The following CCDC93 variants were observed in gnomAD, a reference collection of about 807,000 sequenced individuals.
CCDC93 encodes the protein coiled-coil domain-containing protein 93.
CCDC93 carries 61 observed loss-of-function variants against 108.2 expected under a neutral mutation model. The observed-to-expected ratio is 0.56, with a 90% CI of 0.46 to 0.70. The LOEUF is 0.70. CCDC93 is among the 30% of genes least tolerant of loss of function. The pLI is 0.00. For missense variants in CCDC93, 685 were observed against 764.2 expected (o/e 0.90, Z 1.22); for synonymous variants, 276 against 260.4 (o/e 1.06, Z -0.58).
At position 117,916,926 on chromosome 2, in the gene CCDC93, C is replaced by A. The variant is rs1444826653; in HGVS notation, c.*3417G>T. On this transcript the variant is annotated 3_prime_UTR_variant, in exon 24 of 24. Coordinates refer to ENST00000376300, the MANE Select transcript of CCDC93 (RefSeq NM_019044.5). ...TCCTTGGCAATCCCAACCATGGGGA[C>A]AGATGATGGCATCCATCCTATGGGG... is the stretch of plus-strand genomic sequence containing the variant. The A allele has an allele frequency of 6.6e-6, 1 of 152,254 alleles. No individual in the cohort carries two copies. Among genetic ancestry groups the A allele is most frequent in the African/African-American group, 2.4e-5 (1 of 41,464 alleles). 9.4% of individuals were successfully genotyped at this position (152,254 alleles called of 1,614,324 possible). A position where few individuals can be genotyped will look rare whatever the true frequency, so the allele number is the denominator to read the frequency against.
chr2:117,949,396 C>T lies in CCDC93; in HGVS notation c.1069-1G>A. On this transcript the variant is annotated splice_acceptor_variant, in intron 13 of 23. Coordinates refer to ENST00000376300, the MANE Select transcript of CCDC93 (RefSeq NM_019044.5). LOFTEE classifies it high-confidence loss of function. ...CCAGTTTCTCACTGTAAGTCTTCAG[C>T]TGCAAGAGAGAATGAAGACATGGTT... The T allele has an allele frequency of 6.2e-7, 1 of 1,610,494 alleles. No homozygotes were observed. The highest frequency in any genetic ancestry group is 8.5e-7 in the Non-Finnish European group (1 of 1,176,774).
chr2:117,951,408 G>A, intron 13 of CCDC93: 5 of 985,384 alleles, frequency 5.1e-6, no homozygotes, highest in Non-Finnish European at 6.0e-6. Context: ...AATAACTGAA[G>A]AGGTTAGTCC....
rs899454860 is a variant in CCDC93 at position 117,919,731 on chromosome 2, T to G, written c.*612A>C. 1 of 152,260 alleles carries G rather than the reference T, an allele frequency of 6.6e-6. No homozygotes were observed. Among genetic ancestry groups the G allele is most frequent in the Non-Finnish European group, 1.5e-5 (1 of 68,050 alleles). 9.4% of individuals were successfully genotyped at this position (152,260 alleles called of 1,614,324 possible). A position where few individuals can be genotyped will look rare whatever the true frequency, so the allele number is the denominator to read the frequency against. On this transcript the variant is annotated 3_prime_UTR_variant, in exon 24 of 24. Coordinates refer to ENST00000376300, the MANE Select transcript of CCDC93 (RefSeq NM_019044.5). ...TTCCAGTTGCTGTCACCACCAAGCC[T>G]GCTGGCTGGCACCTGGAGGAGCTGG...
intron 3 of CCDC93, among the ~76,000 whole-genome samples, chr2:118,004,744 C>T (rs921899362): frequency 1.3e-5 from 2 of 152,166 alleles, no homozygotes; most frequent in African/African-American, 2.4e-5. Context: ...CACGTAAACC[C>T]GTCTCCAGCT....
intron 6 of CCDC93, among the ~76,000 whole-genome samples, chr2:117,991,648 G>A (rs529231042): frequency 6.6e-6 from 1 of 152,294 alleles, no homozygotes; most frequent in African/African-American, 2.4e-5. Context: ...CTTGTTAAAT[G>A]CCTATTGAGA....
In CCDC93 at chr2:117,935,408, A is replaced by G. The variant is rs533905020; in HGVS notation, c.1728+87T>C. On this transcript the variant is annotated intron_variant, in intron 22 of 23. Coordinates refer to ENST00000376300, the MANE Select transcript of CCDC93 (RefSeq NM_019044.5). ...TTCAGGATTGAGGGCACACTCCCCA[A>G]CTACCAGAAGAGGCCTTTTCTTCCC... 34 of 931,660 alleles carry G rather than the reference A, an allele frequency of 3.6e-5. No individual in the cohort carries two copies. The South Asian group carries it at 4.4e-4, about 12-fold the overall frequency. 57.7% of individuals were successfully genotyped at this position (931,660 alleles called of 1,614,324 possible). A position where few individuals can be genotyped will look rare whatever the true frequency, so the allele number is the denominator to read the frequency against.
chr2:117,922,601 G>A (rs1045842156), intron 23 of CCDC93, among the ~76,000 whole-genome samples: 4 of 152,152 alleles, frequency 2.6e-5, no homozygotes, highest in African/African-American at 9.7e-5. Context: ...AAAGGCAACC[G>A]CTAAGGTGGC....
At position 117,919,122 on chromosome 2, in the gene CCDC93, G is replaced by A. The variant is rs1485187828; in HGVS notation, c.*1221C>T. 1 of 152,142 alleles carries A rather than the reference G, an allele frequency of 6.6e-6. No individual in the cohort carries two copies. The highest frequency in any genetic ancestry group is 1.5e-5 in the Non-Finnish European group (1 of 68,042). The allele number at this position is 152,142 out of a possible 1,614,324, so 9.4% of individuals were successfully genotyped here. On this transcript the variant is annotated 3_prime_UTR_variant, in exon 24 of 24. Coordinates refer to ENST00000376300, the MANE Select transcript of CCDC93 (RefSeq NM_019044.5). ...AGACTCCTGAGGACCAGGGCAGCAG[G>A]AGCTCCATGTTTGATCTGCACTGGT...
chr2:117,958,876 G>A (rs184034581), intron 11 of CCDC93, among the ~76,000 whole-genome samples: 2 of 152,330 alleles, frequency 1.3e-5, no homozygotes, highest in Admixed American at 6.5e-5. Context: ...AGTATTATAA[G>A]CAAATGGTTA....
chr2:117,973,339 G>C (rs1679826714), intron 11 of CCDC93, among the ~76,000 whole-genome samples: 1 of 149,114 alleles, frequency 6.7e-6, no homozygotes, highest in Non-Finnish European at 1.5e-5. Flanking sequence ...AGCCACACCA[G>C]AATCAGTTAT....
Position 118,000,812 on chromosome 2 carries a change from G to T in CCDC93, c.363+9C>A. 1 of 1,566,896 alleles carries T rather than the reference G, an allele frequency of 6.4e-7. No individual in the cohort carries two copies. The highest frequency in any genetic ancestry group is 8.8e-7 in the Non-Finnish European group (1 of 1,137,278). The stretch of plus-strand genomic sequence containing the variant: ...TTAAGAGGACAAGAAACCACACAGA[G>T]GCTCTCACCTGAACAACAGGAAATA... On this transcript the variant is annotated intron_variant, in intron 4 of 23. Transcript: ENST00000376300.
chr2:117,956,596 T>C (rs1679224209), intron 12 of CCDC93, among the ~76,000 whole-genome samples: 2 of 152,224 alleles, frequency 1.3e-5, no homozygotes, highest in Non-Finnish European at 2.9e-5. Flanking sequence ...TTTTGAACCA[T>C]TCTTATCACC....
At chr2:117,973,549 C>T (rs561967293) in intron 11 of CCDC93, among the ~76,000 whole-genome samples, 22 of 152,118 alleles carry the variant, frequency 1.4e-4, no homozygotes, top group Non-Finnish European at 3.1e-4. Flanking sequence ...AGTGGCAAAG[C>T]TTCATTCCCT....
rs577490713 is a variant in CCDC93, at chr2:117,974,867, C to G, written c.784G>C (p.Ala262Pro). 8 of 1,571,484 alleles carry G rather than the reference C, an allele frequency of 5.1e-6. No individual in the cohort carries two copies. Among genetic ancestry groups the G allele is most frequent in the Non-Finnish European group, 4.3e-6 (5 of 1,157,626 alleles). The change falls in exon 10 of 24, where the codon GCT becomes CCT. Residue 262 changes from alanine (A) to proline (P), a missense_variant. Transcript: ENST00000376300. Reference protein sequence around the residue: ...RIQSLMTKMTAMANEESRLTA... With the variant: ...RIQSLMTKMTPMANEESRLTA... ...CCACTCACCTCCTCATTTGCCATAG[C>G]GGTCATCTTGGTCATCAGCGACTGA...
intron 11 of CCDC93, among the ~76,000 whole-genome samples, chr2:117,959,085 G>A (rs1469243625): frequency 1.3e-5 from 2 of 152,194 alleles, no homozygotes; most frequent in African/African-American, 4.8e-5. Context: ...AGGGGGTGGA[G>A]AAGGATCCTC....
intron 23 of CCDC93, among the ~76,000 whole-genome samples, chr2:117,924,503 T>C (rs1678005958): frequency 6.6e-6 from 1 of 152,246 alleles, no homozygotes; most frequent in South Asian, 2.1e-4. Context: ...AGTAGCCGAT[T>C]TGATCAACTG....
intron 11 of CCDC93, among the ~76,000 whole-genome samples, chr2:117,958,944 T>A (rs531525757): frequency 1.3e-5 from 2 of 152,326 alleles, no homozygotes; most frequent in East Asian, 3.9e-4. Flanking sequence ...ACATTTTCCA[T>A]CACTTGGCCC....
intron 12 of CCDC93, among the ~76,000 whole-genome samples, chr2:117,954,151 T>C (rs1419210765): frequency 6.6e-6 from 1 of 152,224 alleles, no homozygotes; most frequent in Non-Finnish European, 1.5e-5. Context: ...CACCTTCTTG[T>C]GTAGCCTCTC....
chr2:117,962,742 CA>C (rs1558784890), intron 11 of CCDC93, among the ~76,000 whole-genome samples: 1 of 152,088 alleles, frequency 6.6e-6, no homozygotes, highest in Admixed American at 6.5e-5. Context: ...TTCGGAAGGC[CA>C]AAAAGTAACT....
Sources: gnomAD v4.1 joint callset for allele counts (sites outside exome capture counted in the v4.1 genomes callset) on GRCh38, gnomAD v4.1.1 for gene constraint, MANE v1.5 for transcripts, NCBI Gene and HGNC (gene_info 2026-07-23, HGNC 2026-07-21) for gene names.